OR52E5: variants seen among roughly 807,000 people sequenced by gnomAD.
The protein encoded by OR52E5 is olfactory receptor 52E5.
At position 5,901,675 on chromosome 11, in the gene OR52E5, A is replaced by G; in HGVS notation, c.899A>G (p.Glu300Gly). The G allele has an allele frequency of 2.5e-6, 1 of 401,182 alleles. No homozygotes were observed. Among genetic ancestry groups the G allele is most frequent in the Non-Finnish European group, 4.4e-6 (1 of 226,224 alleles). 24.9% of individuals were successfully genotyped at this position (401,182 alleles called of 1,614,324 possible). ...GGGGTCAAAACAAAACAGATACGAG[A>G]GCAGGTACTTAGGATACTCAACCCT... ...IYGVKTKQIR[E>G]QVLRILNPKS... The change falls in exon 3 of 3, where the codon GAG (glutamate) becomes GGG (glycine). Residue 300 changes from glutamate (E) to glycine (G), a missense_variant. By Grantham distance (98) the Glu-to-Gly change is moderately conservative (BLOSUM62 -2). Coordinates refer to ENST00000610445, the MANE Select transcript of OR52E5 (RefSeq NM_001005166.5).
In OR52E5 at chr11:5,901,671, C is replaced by G. The variant is rs922929870; in HGVS notation, c.895C>G (p.Arg299Gly). Residue 299 changes from arginine to glycine, a missense_variant, in exon 3 of 3, where the codon CGA becomes GGA. Transcript: ENST00000610445. ...VIYGVKTKQI[R>G]EQVLRILNPK... ...CTATGGGGTCAAAACAAAACAGATA[C>G]GAGAGCAGGTACTTAGGATACTCAA... 2.5e-6 allele frequency: 1 copy of G among 401,008 alleles called. No individual in the cohort carries two copies. 24.8% of individuals were successfully genotyped at this position (401,008 alleles called of 1,614,324 possible). A position where few individuals can be genotyped will look rare whatever the true frequency, so the allele number is the denominator to read the frequency against.
chr11:5,897,312 T>G (rs1244634303), intron 2 of OR52E5, among the ~76,000 whole-genome samples: 3 of 152,174 alleles, frequency 2.0e-5, no homozygotes, highest in African/African-American at 7.2e-5. Context: ...TAGTCTCTAG[T>G]GTCTGTTGTT....
intron 2 of OR52E5, among the ~76,000 whole-genome samples, chr11:5,897,947 T>C (rs1441313297): frequency 6.6e-6 from 1 of 152,040 alleles, no homozygotes; most frequent in Non-Finnish European, 1.5e-5. Context: ...ACTGCAGTCT[T>C]GACCTCCCAG....
At chr11:5,897,759 C>T (rs1014050280) in intron 2 of OR52E5, among the ~76,000 whole-genome samples, 1 of 152,146 alleles carries the variant, frequency 6.6e-6, no homozygotes, top group Non-Finnish European at 1.5e-5. Flanking sequence ...GTTCCTTTTT[C>T]TCCACATCCT....
rs1847266104 is a variant in OR52E5 at position 5,902,260 on chromosome 11, G to A, written c.*500G>A. On this transcript the variant is annotated 3_prime_UTR_variant, in exon 3 of 3. Transcript: ENST00000610445. ...AATAACAAATTCATACTGATTTATA[G>A]CATTTTATGAGCAGGGATATTGAAG... is the stretch of plus-strand genomic sequence containing the variant. 1 of 152,616 alleles carries A rather than the reference G, an allele frequency of 6.6e-6. No homozygotes were observed. The highest frequency in any genetic ancestry group is 2.1e-4 in the South Asian group (1 of 4,840). 9.5% of individuals were successfully genotyped at this position (152,616 alleles called of 1,614,324 possible).
At position 5,902,491 on chromosome 11, in the gene OR52E5, TG is replaced by T. The variant is rs1451321086; in HGVS notation, c.*733del. 1.3e-5 allele frequency: 2 copies of T among 151,204 alleles called. No individual in the cohort carries two copies. Among genetic ancestry groups the T allele is most frequent in the Non-Finnish European group, 3.0e-5 (2 of 67,712 alleles). 9.4% of individuals were successfully genotyped at this position (151,204 alleles called of 1,614,324 possible). A position where few individuals can be genotyped will look rare whatever the true frequency, so the allele number is the denominator to read the frequency against. On this transcript the variant is annotated 3_prime_UTR_variant, in exon 3 of 3. Transcript: ENST00000610445. ...TTATCCCAACGCATGGGCCTCTTCA[TG>T]GACCTCTCAGCTCTTACCTTCGTGA... is the stretch of plus-strand genomic sequence containing the variant.
rs1035502987 is a variant in OR52E5 at position 5,901,297 on chromosome 11, G to A, written c.521G>A (p.Arg174Gln). The part of the protein sequence containing the change: ...LILRLPFCGV[R>Q]IIPHTYCEHM... ...CTGAGATTGCCTTTCTGTGGTGTCC[G>A]GATTATCCCTCATACCTATTGTGAA... Residue 174 changes from arginine to glutamine, a missense_variant, in exon 3 of 3, where the codon CGG becomes CAG. Arg to Gln is a conservative substitution (Grantham distance 43, BLOSUM62 1). Transcript: ENST00000610445. 3.5e-5 allele frequency: 14 copies of A among 401,484 alleles called. No individual in the cohort carries two copies. Among genetic ancestry groups the A allele is most frequent in the African/African-American group, 1.4e-4 (7 of 48,552 alleles). The allele number at this position is 401,484 out of a possible 1,614,324, so 24.9% of individuals were successfully genotyped here.
At chr11:5,897,076 T>C (rs892555065) in intron 2 of OR52E5, among the ~76,000 whole-genome samples, 1 of 152,194 alleles carries the variant, frequency 6.6e-6, no homozygotes, top group Non-Finnish European at 1.5e-5. Context: ...AAAGCTAATT[T>C]GTGGTTATTA....
rs1847255613 is a variant in OR52E5, at chr11:5,901,606, A to G, written c.830A>G (p.Asn277Ser). The G allele has an allele frequency of 5.0e-6, 2 of 401,600 alleles. No individual in the cohort carries two copies. Among genetic ancestry groups the G allele is most frequent in the Non-Finnish European group, 8.8e-6 (2 of 226,324 alleles). The allele number at this position is 401,600 out of a possible 1,614,324, so 24.9% of individuals were successfully genotyped here. A position where few individuals can be genotyped will look rare whatever the true frequency, so the allele number is the denominator to read the frequency against. ...IPHYIHILLA[N>S]LYVVFPPALN... ...CATTACATCCACATTCTTCTGGCCA[A>G]TCTGTATGTGGTTTTTCCCCCTGCT... The change falls in exon 3 of 3, where the codon AAT becomes AGT. Residue 277 changes from asparagine to serine, a missense_variant. Coordinates refer to ENST00000610445, the MANE Select transcript of OR52E5 (RefSeq NM_001005166.5).
In OR52E5 at chr11:5,901,469, T is replaced by C; in HGVS notation, c.693T>C (p.Asp231=). The stretch of plus-strand genomic sequence containing the variant: ...CTGTCTTCCATCTCCCAGCCTGGGA[T>C]GCCCGGCCTAAGGCACTCAGCACAT... ...LRAVFHLPAW[D]ARPKALSTCG... The change falls in exon 3 of 3, where the codon GAT becomes GAC. Residue 231 remains aspartate, a synonymous_variant. Transcript: ENST00000610445. The C allele has an allele frequency of 2.5e-6, 1 of 401,754 alleles. No individual in the cohort carries two copies. The highest frequency in any genetic ancestry group is 4.4e-6 in the Non-Finnish European group (1 of 226,384). 24.9% of individuals were successfully genotyped at this position (401,754 alleles called of 1,614,324 possible). A position where few individuals can be genotyped will look rare whatever the true frequency, so the allele number is the denominator to read the frequency against.
At chr11:5,896,380 C>G (rs1180739330) in intron 2 of OR52E5, among the ~76,000 whole-genome samples, 1 of 145,760 alleles carries the variant, frequency 6.9e-6, no homozygotes, top group Non-Finnish European at 1.5e-5. Flanking sequence ...GAGATAGCAC[C>G]ACTGCACTCC....
Position 5,900,663 on chromosome 11 carries a change from T to A in OR52E5, c.-114T>A. On this transcript the variant is annotated 5_prime_UTR_variant, in exon 3 of 3. The change abolishes an upstream ATG in the 5' untranslated region. Transcript: ENST00000610445. The stretch of plus-strand genomic sequence containing the variant: ...TATGCTATATTATGGAGTTAAAGAA[T>A]GGATTTTCTGTTTCCCCAAGAAATA... 2.5e-6 allele frequency: 1 copy of A among 397,540 alleles called. No homozygotes were observed. The highest frequency in any genetic ancestry group is 2.1e-5 in the African/African-American group (1 of 48,700). 24.6% of individuals were successfully genotyped at this position (397,540 alleles called of 1,614,324 possible).
Position 5,901,154 on chromosome 11 carries a change from T to G in OR52E5, c.378T>G (p.Ile126Met), listed in dbSNP as rs889984570. The G allele has an allele frequency of 5.0e-6, 2 of 401,382 alleles. No homozygotes were observed. Among genetic ancestry groups the G allele is most frequent in the African/African-American group, 4.1e-5 (2 of 48,686 alleles). The allele number at this position is 401,382 out of a possible 1,614,324, so 24.9% of individuals were successfully genotyped here. The change falls in exon 3 of 3, where the codon ATT becomes ATG. Residue 126 changes from isoleucine to methionine, a missense_variant. By Grantham distance (10) the Ile-to-Met change is conservative. Coordinates refer to ENST00000610445, the MANE Select transcript of OR52E5 (RefSeq NM_001005166.5). Reference sequence around the variant, plus strand: ...CAGTCACGGGCATAGATCGCTATATTGCCATCTGCAACCCCCTGAGATATA... The same window carrying G: ...CAGTCACGGGCATAGATCGCTATATGGCCATCTGCAACCCCCTGAGATATA... ...VLTVTGIDRYIAICNPLRYSM... is the reference protein window; with the variant it reads ...VLTVTGIDRYMAICNPLRYSM...
rs2134298298 is a variant in OR52E5 at position 5,901,516 on chromosome 11, T to C, written c.740T>C (p.Met247Thr). Reference sequence around the variant, plus strand: ...ACATGTGGCTCTCACGTCTGTGTTATGTTGGCTTTCTACCTGCCAGCCCTC... The same window carrying C: ...ACATGTGGCTCTCACGTCTGTGTTACGTTGGCTTTCTACCTGCCAGCCCTC... ...LSTCGSHVCV[M>T]LAFYLPALFS... The change falls in exon 3 of 3, where the codon ATG becomes ACG. Residue 247 changes from methionine (M) to threonine (T), a missense_variant. Physicochemically the swap from Met to Thr is moderately conservative, Grantham distance 81 (BLOSUM62 -1). Transcript: ENST00000610445. 1 of 401,912 alleles carries C rather than the reference T, an allele frequency of 2.5e-6. No homozygotes were observed. The allele number at this position is 401,912 out of a possible 1,614,324, so 24.9% of individuals were successfully genotyped here.
At chr11:5,900,570 AGT>A (rs1200094607) in intron 2 of OR52E5, 60 bp from the exon 3 acceptor site, 4 of 380,626 alleles carry the variant, frequency 1.1e-5, no homozygotes, top group Non-Finnish European at 1.9e-5. Flanking sequence ...TTCCTGTGTA[AGT>A]GAGGCAAATA....
intron 1 of OR52E5, among the ~76,000 whole-genome samples, chr11:5,894,906 A>G (rs781566940): frequency 6.6e-6 from 1 of 152,210 alleles, no homozygotes; most frequent in Non-Finnish European, 1.5e-5. Context: ...ATTTTGCCCC[A>G]ATAAAATTTA....
Position 5,900,663 on chromosome 11 carries a change from T to C in OR52E5, c.-114T>C, listed in dbSNP as rs7945694. 4,600 of 397,540 alleles carry C rather than the reference T, an allele frequency of 0.012. 166 individuals carry two copies. The highest frequency in any genetic ancestry group is 0.086 in the African/African-American group (4,200 of 48,700). 24.6% of individuals were successfully genotyped at this position (397,540 alleles called of 1,614,324 possible). Reference sequence around the variant, plus strand: ...TATGCTATATTATGGAGTTAAAGAATGGATTTTCTGTTTCCCCAAGAAATA... The same window carrying C: ...TATGCTATATTATGGAGTTAAAGAACGGATTTTCTGTTTCCCCAAGAAATA... On this transcript the variant is annotated 5_prime_UTR_variant, in exon 3 of 3. The change abolishes an upstream ATG in the 5' untranslated region. Coordinates refer to ENST00000610445, the MANE Select transcript of OR52E5 (RefSeq NM_001005166.5).
intron 2 of OR52E5, 55 bp from the exon 3 acceptor site, chr11:5,900,577 C>G (rs1847235863): frequency 2.6e-6 from 1 of 384,246 alleles, no homozygotes; most frequent in Admixed American, 4.5e-5. Flanking sequence ...GTAAGTGAGG[C>G]AAATATTTAA....
intron 2 of OR52E5, among the ~76,000 whole-genome samples, chr11:5,899,872 A>G (rs1847225020): frequency 6.6e-6 from 1 of 152,148 alleles, no homozygotes; most frequent in South Asian, 2.1e-4. Context: ...TAAACATATC[A>G]CTGTCCATCA....
Sources: gnomAD v4.1 joint callset for allele counts (sites outside exome capture counted in the v4.1 genomes callset) on GRCh38, gnomAD v4.1.1 for gene constraint, MANE v1.5 for transcripts, NCBI Gene and HGNC (gene_info 2026-07-23, HGNC 2026-07-21) for gene names.